The following HLCS variants were observed in gnomAD, a reference collection of about 807,000 sequenced individuals.
HLCS encodes the protein biotin--protein ligase.
HLCS carries 53 observed loss-of-function variants against 75.0 expected under a neutral mutation model. The ratio of observed to expected loss-of-function variants is 0.71; its 90% confidence interval spans 0.57 to 0.89. The LOEUF (loss-of-function observed/expected upper bound fraction) is 0.89, where lower values mean the gene tolerates loss of function less well. HLCS is among the 40% of genes least tolerant of loss of function. The pLI is 0.00. For synonymous variants in HLCS, 431 were observed against 428.6 expected (o/e 1.01, Z -0.07); for missense variants, 966 against 1,074.0 (o/e 0.90, Z 1.41).
At chr21:36,840,657 G>A (rs577103192) in intron 6 of HLCS, among the ~76,000 whole-genome samples, 1 of 152,164 alleles carries the variant, frequency 6.6e-6, no homozygotes, top group East Asian at 1.9e-4. Flanking sequence ...TTGTTGCCCA[G>A]GCTGGAGTGC....
chr21:36,955,201 T>C (rs764115312), intron 2 of HLCS, among the ~76,000 whole-genome samples: 1 of 152,174 alleles, frequency 6.6e-6, no homozygotes, highest in Non-Finnish European at 1.5e-5. Flanking sequence ...GGAGGACACA[T>C]GTGCAGTGAA....
chr21:36,945,051 C>T (rs548220763), intron 2 of HLCS, among the ~76,000 whole-genome samples: 111 of 152,082 alleles, frequency 7.3e-4, no homozygotes, highest in Middle Eastern at 3.4e-3. Flanking sequence ...ACCCAGGAAG[C>T]GGAACTTGCA....
intron 6 of HLCS, among the ~76,000 whole-genome samples, chr21:36,837,315 C>T (rs534079459): frequency 3.3e-5 from 5 of 152,310 alleles, no homozygotes; most frequent in African/African-American, 1.2e-4. Context: ...AAACTATATG[C>T]TATACTGTAA....
intron 6 of HLCS, among the ~76,000 whole-genome samples, chr21:36,819,424 T>C (rs918226277): frequency 2.2e-4 from 33 of 152,212 alleles, no homozygotes; most frequent in African/African-American, 7.2e-4. Flanking sequence ...AATATTACAC[T>C]GAAAAAATCT....
At chr21:36,868,531 T>G (rs569355922) in intron 6 of HLCS, among the ~76,000 whole-genome samples, 1 of 152,312 alleles carries the variant, frequency 6.6e-6, no homozygotes, top group South Asian at 2.1e-4. Context: ...ACGTAACAAT[T>G]TTAATGACCA....
chr21:36,869,323 A>T (rs1349177929), intron 6 of HLCS, among the ~76,000 whole-genome samples: 1 of 152,026 alleles, frequency 6.6e-6, no homozygotes, highest in Non-Finnish European at 1.5e-5. Context: ...TCGTAGAGAC[A>T]GGGTTTCACC....
intron 6 of HLCS, among the ~76,000 whole-genome samples, chr21:36,844,964 CA>C (rs1312048422): frequency 6.6e-6 from 1 of 152,136 alleles, no homozygotes; most frequent in African/African-American, 2.4e-5. Context: ...GTAAATACAG[CA>C]GAGAAGGTCA....
At chr21:36,820,209 G>A (rs1313555946) in intron 6 of HLCS, among the ~76,000 whole-genome samples, 1 of 138,280 alleles carries the variant, frequency 7.2e-6, no homozygotes, top group African/African-American at 2.7e-5. Flanking sequence ...GGCAGGTAGT[G>A]ATAGTGAGGC....
chr21:36,777,639 AG>A (rs1241298143), intron 6 of HLCS, among the ~76,000 whole-genome samples: 4 of 152,198 alleles, frequency 2.6e-5, no homozygotes, highest in Non-Finnish European at 4.4e-5. Flanking sequence ...TTTTTGGAAG[AG>A]CAGGGGCAGT....
chr21:36,900,938 G>A (rs1342497953), intron 5 of HLCS, among the ~76,000 whole-genome samples: 1 of 152,118 alleles, frequency 6.6e-6, no homozygotes, highest in Non-Finnish European at 1.5e-5. Context: ...GGTGAGCCCT[G>A]GGTGTGCTAA....
rs985514952 is a variant in HLCS at position 36,836,485 on chromosome 21, C to G, written c.1892+60375G>C. ...CCCTCCCCCCACCCCACAACAGTCCCCAGAGTATGATGTTTCCCTTCCTGT... is the reference window on the plus strand; with the variant it reads ...CCCTCCCCCCACCCCACAACAGTCCGCAGAGTATGATGTTTCCCTTCCTGT... On this transcript the variant is annotated intron_variant, in intron 6 of 10. Coordinates refer to ENST00000674895, the MANE Select transcript of HLCS (RefSeq NM_001352514.2). Among the ~76,000 whole-genome samples the G allele has an allele frequency of 6.1e-5, 8 of 131,494 alleles. No individual in the cohort carries two copies. The Admixed American group carries it at 6.9e-4, about 11-fold the overall frequency. The allele number at this position is 131,494 out of a possible 152,430, so 86.3% of individuals were successfully genotyped here.
chr21:36,762,688 T>A (rs2089892768), intron 8 of HLCS, among the ~76,000 whole-genome samples: 1 of 152,144 alleles, frequency 6.6e-6, no homozygotes, highest in South Asian at 2.1e-4. Context: ...ATCACACAGG[T>A]GAGGCTGGGT....
intron 6 of HLCS, among the ~76,000 whole-genome samples, chr21:36,895,709 GA>G (rs1252311203): frequency 6.6e-6 from 1 of 152,074 alleles, no homozygotes; most frequent in Non-Finnish European, 1.5e-5. Context: ...CTATTATCAA[GA>G]AAAAGGCCAA....
intron 6 of HLCS, among the ~76,000 whole-genome samples, chr21:36,785,234 C>A (rs1173883025): frequency 6.6e-6 from 1 of 152,176 alleles, no homozygotes; most frequent in Non-Finnish European, 1.5e-5. Flanking sequence ...ACCAACACGC[C>A]AGAGCTCGTT....
Position 36,817,090 on chromosome 21 carries a change from G to A in HLCS, c.1893-49805C>T, listed in dbSNP as rs146983563. Reference sequence around the variant, plus strand: ...TCAGAGCGAAGAGTAAGCGTTCGATGAAGATGTAGACTCGATTAGAGTGGA... The same window carrying A: ...TCAGAGCGAAGAGTAAGCGTTCGATAAAGATGTAGACTCGATTAGAGTGGA... On this transcript the variant is annotated intron_variant, in intron 6 of 10. Transcript: ENST00000674895. Among the ~76,000 whole-genome samples the A allele has an allele frequency of 2.5e-3, 384 of 152,354 alleles. 2 individuals are homozygous for A. The highest frequency in any genetic ancestry group is 6.8e-3 in the Middle Eastern group (2 of 294).
At chr21:36,802,374 A>G (rs759662651) in intron 6 of HLCS, among the ~76,000 whole-genome samples, 23 of 152,244 alleles carry the variant, frequency 1.5e-4, no homozygotes, top group Non-Finnish European at 3.1e-4. Flanking sequence ...CGCCCAGGAG[A>G]AAAATGAAAT....
chr21:36,961,421 TGAG>T (rs1478953250), intron 2 of HLCS, among the ~76,000 whole-genome samples: 1 of 151,566 alleles, frequency 6.6e-6, no homozygotes, highest in Non-Finnish European at 1.5e-5. Flanking sequence ...TTTGGGAGGC[TGAG>T]GAGGTAGGAT....
chr21:36,818,925 C>A (rs182031397), intron 6 of HLCS, among the ~76,000 whole-genome samples: 1 of 152,128 alleles, frequency 6.6e-6, no homozygotes, highest in East Asian at 1.9e-4. Context: ...TACACCTTGA[C>A]GAGTTAGTTT....
At position 36,896,873 on chromosome 21, in the gene HLCS, G is replaced by C; in HGVS notation, c.1879C>G (p.Arg627Gly). The change falls in exon 6 of 11, where the codon CGT becomes GGT. Residue 627 changes from arginine (R) to glycine (G), a missense_variant. Coordinates refer to ENST00000674895, the MANE Select transcript of HLCS (RefSeq NM_001352514.2). Reference sequence around the variant, plus strand: ...CTCACACCTTACCCATCCAGGAGACGCATCGTTGTGGGGGTCACTTCGGCA... The same window carrying C: ...CTCACACCTTACCCATCCAGGAGACCCATCGTTGTGGGGGTCACTTCGGCA... ...LFAEVTPTTM[R>G]LLDGLMFQTP... 1 of 1,614,072 alleles carries C rather than the reference G, an allele frequency of 6.2e-7. No homozygotes were observed. The highest frequency in any genetic ancestry group is 8.5e-7 in the Non-Finnish European group (1 of 1,179,966).
Sources: allele counts gnomAD v4.1 joint callset (sites outside exome capture counted in the v4.1 genomes callset), GRCh38; gene constraint gnomAD v4.1.1; transcripts MANE v1.5; gene names NCBI Gene and HGNC (gene_info 2026-07-23, HGNC 2026-07-21).